Variants in CCDC13 observed in about 807,000 individuals in gnomAD.
CCDC13 encodes the protein coiled-coil domain containing 13.
In CCDC13, 70 loss-of-function variants were observed where a neutral mutation model predicts 87.3. That is an observed-to-expected ratio of 0.80 (90% confidence interval 0.66 to 0.98). CCDC13 has a LOEUF of 0.98. CCDC13 is among the 50% of genes least tolerant of loss of function. The pLI is 0.00. For missense variants in CCDC13, 842 were observed against 892.0 expected (o/e 0.94, Z 0.71); for synonymous variants, 317 against 360.3 (o/e 0.88, Z 1.36).
chr3:42,731,055 G>A (rs1000495342), intron 12 of CCDC13, among the ~76,000 whole-genome samples: 34 of 152,228 alleles, frequency 2.2e-4, no homozygotes, highest in Admixed American at 2.2e-3. Context: ...CTGTGCATTT[G>A]GCTTTGTGAC....
At chr3:42,754,152 T>C (rs1287494817) in intron 3 of CCDC13, among the ~76,000 whole-genome samples, 1 of 152,152 alleles carries the variant, frequency 6.6e-6, no homozygotes, top group Non-Finnish European at 1.5e-5. Flanking sequence ...ATGACCATCA[T>C]ATGCCTCAGA....
downstream of CCDC13, among the ~76,000 whole-genome samples, chr3:42,705,272 G>T (rs751767772): frequency 2.0e-5 from 3 of 152,130 alleles, no homozygotes; most frequent in Non-Finnish European, 4.4e-5. Context: ...TGGCCCCTGG[G>T]TGTGGGGGTG....
chr3:42,762,420 A>T (rs1035007177), intron 1 of CCDC13, among the ~76,000 whole-genome samples: 4 of 152,208 alleles, frequency 2.6e-5, no homozygotes, highest in Admixed American at 2.0e-4. Flanking sequence ...ACCTTGGGCC[A>T]TTCCAGTCCA....
intron 5 of CCDC13, chr3:42,749,808 C>T (rs557042188): frequency 7.9e-5 from 36 of 453,954 alleles, no homozygotes; most frequent in South Asian, 3.6e-4. Context: ...ATGATGCCAA[C>T]GCTACTCACA....
At chr3:42,736,242 C>G (rs1428783308) in intron 9 of CCDC13, among the ~76,000 whole-genome samples, 1 of 152,210 alleles carries the variant, frequency 6.6e-6, no homozygotes, top group Non-Finnish European at 1.5e-5. Context: ...AAAGCCTGAT[C>G]CTGCTTGGCT....
chr3:42,735,091 AAC>A (rs1244464482), intron 10 of CCDC13, among the ~76,000 whole-genome samples: 1 of 152,184 alleles, frequency 6.6e-6, no homozygotes. Flanking sequence ...AGGGGAACAC[AAC>A]ACAGAACAGG....
intron 13 of CCDC13, among the ~76,000 whole-genome samples, chr3:42,723,166 A>G (rs545056889): frequency 2.0e-5 from 3 of 152,174 alleles, no homozygotes; most frequent in Non-Finnish European, 4.4e-5. Context: ...TCTTTCTTGC[A>G]GGAGATCCAA....
intron 13 of CCDC13, among the ~76,000 whole-genome samples, chr3:42,716,805 C>A (rs182830829): frequency 6.6e-6 from 1 of 152,158 alleles, no homozygotes; most frequent in African/African-American, 2.4e-5. Context: ...CATAAAATTA[C>A]CCTATGATCA....
intron 5 of CCDC13, 68 bp from the exon 6 acceptor site, chr3:42,747,441 C>T: frequency 9.2e-7 from 1 of 1,082,166 alleles, no homozygotes; most frequent in Non-Finnish European, 1.4e-6. Context: ...TCATAGCCCC[C>T]ATTTATCCAA....
intron 13 of CCDC13, among the ~76,000 whole-genome samples, chr3:42,720,468 T>C (rs1414180086): frequency 6.6e-6 from 1 of 152,232 alleles, no homozygotes; most frequent in Non-Finnish European, 1.5e-5. Flanking sequence ...TACTAGTACA[T>C]AATTAAAATC....
chr3:42,768,030 G>T (rs1226775874), intron 1 of CCDC13, among the ~76,000 whole-genome samples: 1 of 151,908 alleles, frequency 6.6e-6, no homozygotes, highest in Non-Finnish European at 1.5e-5. Flanking sequence ...TGTGGTATTG[G>T]TGAAGAAACA....
At chr3:42,760,895 T>C (rs923530700) in intron 1 of CCDC13, among the ~76,000 whole-genome samples, 1 of 152,244 alleles carries the variant, frequency 6.6e-6, no homozygotes, top group Non-Finnish European at 1.5e-5. Context: ...TTGTTGACCA[T>C]GTGTATATCT....
In CCDC13 at chr3:42,705,842, T is replaced by C. The variant is rs1698165350; in HGVS notation, c.*3138A>G. ...ATCTTTGACCCCTTTGATGACCTCC[T>C]TCCCTTGAAAATCCTTCTCCCAGGC... On this transcript the variant is annotated 3_prime_UTR_variant, in exon 16 of 16. Coordinates refer to ENST00000310232, the MANE Select transcript of CCDC13 (RefSeq NM_144719.4). Among the ~76,000 whole-genome samples the C allele has an allele frequency of 6.6e-6, 1 of 152,180 alleles. No individual in the cohort carries two copies. Among genetic ancestry groups the C allele is most frequent in the African/African-American group, 2.4e-5 (1 of 41,450 alleles).
chr3:42,705,389 G>A (rs964335417), downstream of CCDC13, among the ~76,000 whole-genome samples: 2 of 152,174 alleles, frequency 1.3e-5, no homozygotes, highest in African/African-American at 4.8e-5. Flanking sequence ...CTGCAACCTT[G>A]CCCAGCTCAG....
chr3:42,735,666 G>A (rs377015472), intron 10 of CCDC13, 41 bp downstream of exon 10: 53 of 1,594,184 alleles, frequency 3.3e-5, no homozygotes, highest in Middle Eastern at 3.3e-4. Context: ...GGACTTGCCC[G>A]GCTTGAAAAT....
At chr3:42,765,001 G>A (rs550755947) in intron 1 of CCDC13, among the ~76,000 whole-genome samples, 1 of 152,280 alleles carries the variant, frequency 6.6e-6, no homozygotes, top group African/African-American at 2.4e-5. Context: ...GTCACTGAAT[G>A]AATGAACACA....
intron 12 of CCDC13, among the ~76,000 whole-genome samples, 179 bp from the exon 13 acceptor site, chr3:42,730,768 T>A (rs958516170): frequency 1.3e-5 from 2 of 152,164 alleles, no homozygotes; most frequent in Non-Finnish European, 2.9e-5. Context: ...CCATTCCTGG[T>A]CCTGCTGAAG....
chr3:42,750,176 G>A (rs117500661), intron 5 of CCDC13, among the ~76,000 whole-genome samples: 1,882 of 152,146 alleles, frequency 0.012, 98 homozygotes, highest in East Asian at 0.1. Context: ...AGCTTTTTTG[G>A]CTTTCGTTCC....
chr3:42,745,013 C>T (rs957934223), intron 7 of CCDC13: 3 of 152,072 alleles, frequency 2.0e-5, no homozygotes, highest in African/African-American at 7.2e-5. Flanking sequence ...GGTGGCCAAA[C>T]GTAAACTCAG....
Sources: gnomAD v4.1 joint callset for allele counts (sites outside exome capture counted in the v4.1 genomes callset) on GRCh38, gnomAD v4.1.1 for gene constraint, MANE v1.5 for transcripts, NCBI Gene and HGNC (gene_info 2026-07-23, HGNC 2026-07-21) for gene names.